The following ESR1 variants were observed in gnomAD, a reference collection of about 807,000 sequenced individuals.
ESR1 encodes the protein estrogen receptor 1.
ESR1 carries 12 observed loss-of-function variants against 52.7 expected under a neutral mutation model. The observed-to-expected ratio is 0.23, with a 90% CI of 0.15 to 0.37. The LOEUF is 0.37. ESR1 is among the 10% of genes least tolerant of loss of function. The pLI, the probability that ESR1 is intolerant of heterozygous loss-of-function variation, is 1.00. For missense variants in ESR1, 584 were observed against 779.7 expected, an observed-to-expected ratio of 0.75 and a Z score of 2.99; for synonymous variants, 305 against 316.8, an observed-to-expected ratio of 0.96 and a Z score of 0.39.
At chr6:151,788,246 A>G (rs1787205604) in intron 2 of ESR1, among the ~76,000 whole-genome samples, 1 of 152,178 alleles carries the variant, frequency 6.6e-6, no homozygotes, top group Non-Finnish European at 1.5e-5. Context: ...TCTATAAGGA[A>G]CTTAAATTTA....
rs957248796 is a variant in ESR1 at position 152,102,976 on chromosome 6, G to A, written c.*4010G>A. The A allele has an allele frequency of 4.5e-6, 1 of 222,010 alleles. No homozygotes were observed. The highest frequency in any genetic ancestry group is 2.2e-5 in the African/African-American group (1 of 44,640). The allele number at this position is 222,010 out of a possible 1,614,324, so 13.8% of individuals were successfully genotyped here. On this transcript the variant is annotated 3_prime_UTR_variant, in exon 8 of 8. Transcript: ENST00000206249. The stretch of plus-strand genomic sequence containing the variant: ...TGAATTAATAAGTGACATTATGCCA[G>A]TTTCTGTTCTCTCACAGGTGATAAA...
At chr6:151,673,646 G>A (rs776577602) in intron 1 of ESR1, among the ~76,000 whole-genome samples, 9 of 152,110 alleles carry the variant, frequency 5.9e-5, no homozygotes, top group Non-Finnish European at 1.0e-4. Flanking sequence ...ACTTTGGGAG[G>A]CCGAGGTGGG....
At chr6:151,816,807 A>G (rs1015771996) in intron 1 of ESR1, among the ~76,000 whole-genome samples, 11 of 152,280 alleles carry the variant, frequency 7.2e-5, no homozygotes, top group Admixed American at 7.2e-4. Context: ...ACTTTGAGGA[A>G]CTGAAGGGAG....
intron 1 of ESR1, among the ~76,000 whole-genome samples, chr6:151,830,704 G>C (rs1185078404): frequency 1.3e-5 from 2 of 152,122 alleles, no homozygotes; most frequent in Non-Finnish European, 2.9e-5. Flanking sequence ...CAGACTAAAT[G>C]GGTTTTTAGG....
chr6:151,865,182 C>G (rs1045845913), intron 2 of ESR1, among the ~76,000 whole-genome samples: 1 of 152,042 alleles, frequency 6.6e-6, no homozygotes, highest in Non-Finnish European at 1.5e-5. Context: ...CACACACACC[C>G]CACACATAGA....
At chr6:152,096,580 G>C in intron 7 of ESR1, 1 of 451,744 alleles carries the variant, frequency 2.2e-6, no homozygotes, top group South Asian at 1.6e-5. Context: ...ATGAACAAAT[G>C]GCTCATGGCA....
Position 151,944,290 on chromosome 6 carries a change from C to T in ESR1, c.878C>T (p.Pro293Leu), listed in dbSNP as rs2035455175. Residue 293 changes from proline to leucine, a missense_variant, in exon 4 of 8, where the codon CCA (proline) becomes CTA (leucine). Coordinates refer to ENST00000206249, the MANE Select transcript of ESR1 (RefSeq NM_000125.4). ...AGDMRAANLW[P>L]SPLMIKRSKK... ...GACATGAGAGCTGCCAACCTTTGGC[C>T]AAGCCCGCTCATGATCAAACGCTCT... 2 of 1,614,118 alleles carry T rather than the reference C, an allele frequency of 1.2e-6. No homozygotes were observed. Among genetic ancestry groups the T allele is most frequent in the Non-Finnish European group, 1.7e-6 (2 of 1,180,020 alleles).
In ESR1 at chr6:152,061,517, A is replaced by G. The variant is rs1585059412; in HGVS notation, c.1369+393A>G. ...ATTCCAGGCTCCAGATAGTAAAGAAAGAGGGTTATTTGAGACAGACCATGT... is the reference window on the plus strand; with the variant it reads ...ATTCCAGGCTCCAGATAGTAAAGAAGGAGGGTTATTTGAGACAGACCATGT... On this transcript the variant is annotated intron_variant, in intron 6 of 7. Transcript: ENST00000206249. This position sits in a 1 kb window ranked among gnomAD's most constrained non-coding sequence, Gnocchi z 4.3. Among the ~76,000 whole-genome samples the G allele has an allele frequency of 1.3e-5, 2 of 152,356 alleles. No homozygotes were observed. The highest frequency in any genetic ancestry group is 1.9e-4 in the East Asian group (1 of 5,192).
rs1188396578 is a variant in ESR1 at position 151,740,853 on chromosome 6, G to C, written c.-71+38848G>C. Reference sequence around the variant, plus strand: ...TAAACCCTAGGATTTTCTTTAAAAAGTGTTGGGACTGATGTTCTGTTCTTC... The same window carrying C: ...TAAACCCTAGGATTTTCTTTAAAAACTGTTGGGACTGATGTTCTGTTCTTC... On this transcript the variant is annotated intron_variant, in intron 2 of 2. Transcript: ENST00000404742. 3.3e-5 allele frequency among the ~76,000 whole-genome samples: 5 copies of C among 152,132 alleles called. No homozygotes were observed. The East Asian group carries it at 9.6e-4, about 29-fold the overall frequency.
At chr6:151,699,895 C>A (rs1294983637) in intron 1 of ESR1, among the ~76,000 whole-genome samples, 1 of 152,068 alleles carries the variant, frequency 6.6e-6, no homozygotes, top group African/African-American at 2.4e-5. Context: ...GCAGTGGAGA[C>A]GGCCAAACCA....
intron 2 of ESR1, among the ~76,000 whole-genome samples, chr6:151,879,738 AG>A (rs1792474651): frequency 6.6e-6 from 1 of 152,180 alleles, no homozygotes; most frequent in Non-Finnish European, 1.5e-5. Flanking sequence ...GATTTCCTCT[AG>A]ATTAGCGAGG....
At chr6:152,057,929 A>G (rs2047234345) in intron 5 of ESR1, among the ~76,000 whole-genome samples, 1 of 152,150 alleles carries the variant, frequency 6.6e-6, no homozygotes, top group South Asian at 2.1e-4. Context: ...GTGGGAAACT[A>G]TGGGAGACGA....
intron 2 of ESR1, among the ~76,000 whole-genome samples, chr6:151,703,128 T>A (rs1779922943): frequency 6.6e-6 from 1 of 152,184 alleles, no homozygotes; most frequent in African/African-American, 2.4e-5. Context: ...TTACTCAGCG[T>A]GGTAATTTCC....
chr6:151,744,661 G>T (rs529303807), intron 2 of ESR1, among the ~76,000 whole-genome samples: 1 of 152,228 alleles, frequency 6.6e-6, no homozygotes, highest in Admixed American at 6.5e-5. Flanking sequence ...CCCATTTTGT[G>T]AATCTTTTCA....
chr6:151,704,960 T>G (rs1350179943), intron 2 of ESR1, among the ~76,000 whole-genome samples: 1 of 149,884 alleles, frequency 6.7e-6, no homozygotes, highest in African/African-American at 2.4e-5. Context: ...CTTCAGAAAC[T>G]TCAGGATCTA....
chr6:151,799,145 T>C (rs960724297), intron 2 of ESR1, among the ~76,000 whole-genome samples: 1 of 152,152 alleles, frequency 6.6e-6, no homozygotes, highest in Non-Finnish European at 1.5e-5. Context: ...GTCAGAAGAA[T>C]GCGGCATCTA....
At chr6:151,770,545 C>A (rs953222827) in intron 2 of ESR1, among the ~76,000 whole-genome samples, 2 of 151,636 alleles carry the variant, frequency 1.3e-5, no homozygotes. Context: ...AATGTTTAAC[C>A]AACTGAAGCT....
intron 3 of ESR1, among the ~76,000 whole-genome samples, chr6:151,884,437 C>T (rs1793488787): frequency 6.6e-6 from 1 of 152,214 alleles, no homozygotes; most frequent in African/African-American, 2.4e-5. Flanking sequence ...TCACAACAAT[C>T]CACTTTCTTA....
intron 1 of ESR1, among the ~76,000 whole-genome samples, chr6:151,819,694 A>G (rs2128187187): frequency 6.6e-6 from 1 of 152,250 alleles, no homozygotes; most frequent in East Asian, 1.9e-4. Context: ...TAATTATTTC[A>G]TTATATGTTA....
Sources: gnomAD v4.1 joint callset for allele counts (sites outside exome capture counted in the v4.1 genomes callset) on GRCh38, gnomAD v4.1.1 for gene constraint, Gnocchi (gnomAD v3.1) non-coding constraint, MANE v1.5 for transcripts, NCBI Gene and HGNC (gene_info 2026-07-23, HGNC 2026-07-21) for gene names.